ADAMTS12: variants seen among roughly 807,000 people sequenced by gnomAD.
ADAMTS12 encodes the protein ADAM metallopeptidase with thrombospondin type 1 motif 12.
A neutral mutation model predicts 167.8 loss-of-function variants in ADAMTS12; 118 were observed. The ratio of observed to expected loss-of-function variants is 0.70; its 90% CI spans 0.61 to 0.82. The LOEUF is 0.82. Among genes scored for constraint, ADAMTS12 ranks in the 40% least tolerant of loss-of-function variants. ADAMTS12 has a pLI of 0.00. For synonymous variants in ADAMTS12, 704 were observed against 716.9 expected (o/e 0.98, Z 0.29); for missense variants, 1,916 against 1,998.8 (o/e 0.96, Z 0.79).
intron 19 of ADAMTS12, 79 bp downstream of exon 19, chr5:33,575,975 A>C: frequency 6.6e-7 from 1 of 1,520,870 alleles, no homozygotes; most frequent in South Asian, 1.3e-5. Flanking sequence ...ATGCAAACTC[A>C]TTTTGAAATT....
At chr5:33,631,796 A>C (rs1739948966) in intron 12 of ADAMTS12, among the ~76,000 whole-genome samples, 1 of 152,138 alleles carries the variant, frequency 6.6e-6, no homozygotes, top group South Asian at 2.1e-4. Flanking sequence ...AAACACAATA[A>C]TGTCTTCTTT....
intron 20 of ADAMTS12, among the ~76,000 whole-genome samples, chr5:33,550,252 C>T (rs1474732114): frequency 2.0e-5 from 3 of 152,214 alleles, no homozygotes. Flanking sequence ...TCTCTGACTT[C>T]TTGGATTTTG....
intron 8 of ADAMTS12, 134 bp downstream of exon 8, chr5:33,649,420 G>T: frequency 8.7e-7 from 1 of 1,144,044 alleles, no homozygotes; most frequent in Non-Finnish European, 1.2e-6. Flanking sequence ...CGCCCCTTCT[G>T]ATGCCACCCT....
intron 3 of ADAMTS12, among the ~76,000 whole-genome samples, chr5:33,715,489 A>G (rs1743571472): frequency 1.3e-5 from 2 of 152,140 alleles, no homozygotes; most frequent in African/African-American, 4.8e-5. Flanking sequence ...ATGAGTGATT[A>G]AAACAAAGAA....
intron 3 of ADAMTS12, among the ~76,000 whole-genome samples, chr5:33,749,034 T>C (rs568198252): frequency 6.6e-6 from 1 of 152,328 alleles, no homozygotes; most frequent in East Asian, 1.9e-4. Context: ...AGTTGATACT[T>C]CAATATTTGG....
chr5:33,589,699 T>A (rs558477861), intron 17 of ADAMTS12, among the ~76,000 whole-genome samples: 161 of 152,312 alleles, frequency 1.1e-3, no homozygotes, highest in African/African-American at 3.8e-3. Context: ...AGCCCGCTTG[T>A]CCATCCCTTC....
At chr5:33,853,541 C>G (rs1027570264) in intron 2 of ADAMTS12, among the ~76,000 whole-genome samples, 2 of 152,120 alleles carry the variant, frequency 1.3e-5, no homozygotes, top group African/African-American at 4.8e-5. Flanking sequence ...GGCCAAATGA[C>G]CCATCTTTTT....
chr5:33,627,690 GAA>G (rs1229553636), intron 13 of ADAMTS12, among the ~76,000 whole-genome samples: 1 of 152,140 alleles, frequency 6.6e-6, no homozygotes, highest in Non-Finnish European at 1.5e-5. Context: ...TTTTAATTTA[GAA>G]ATGTTAAGAT....
At chr5:33,556,057 C>T (rs973685108) in intron 20 of ADAMTS12, among the ~76,000 whole-genome samples, 5 of 152,238 alleles carry the variant, frequency 3.3e-5, no homozygotes, top group African/African-American at 7.2e-5. Flanking sequence ...TAGAGCTCGA[C>T]GTTTGTCCAG....
chr5:33,725,245 A>C (rs999698901), intron 3 of ADAMTS12, among the ~76,000 whole-genome samples: 1 of 152,184 alleles, frequency 6.6e-6, no homozygotes, highest in African/African-American at 2.4e-5. Flanking sequence ...CACTACCTTC[A>C]GCATTCTACT....
chr5:33,681,373 C>T (rs527784382), intron 5 of ADAMTS12, among the ~76,000 whole-genome samples: 4 of 152,258 alleles, frequency 2.6e-5, no homozygotes, highest in African/African-American at 4.8e-5. Flanking sequence ...TGAATGATGC[C>T]GTTCTTTACA....
intron 22 of ADAMTS12, among the ~76,000 whole-genome samples, chr5:33,536,683 A>G (rs1052915776): frequency 6.6e-6 from 1 of 152,178 alleles, no homozygotes; most frequent in Non-Finnish European, 1.5e-5. Context: ...GCTATGCACA[A>G]TTGGTTAATT....
intron 12 of ADAMTS12, among the ~76,000 whole-genome samples, chr5:33,635,438 C>T (rs1237217560): frequency 6.6e-6 from 1 of 152,122 alleles, no homozygotes; most frequent in African/African-American, 2.4e-5. Context: ...TGGGCTAACT[C>T]TTGGTTCTAT....
intron 3 of ADAMTS12, among the ~76,000 whole-genome samples, chr5:33,707,066 G>C (rs1397564560): frequency 6.6e-6 from 1 of 152,126 alleles, no homozygotes; most frequent in Admixed American, 6.6e-5. Context: ...CATCATCTCA[G>C]CCCAAAAACA....
At chr5:33,701,776 G>C (rs563706278) in intron 3 of ADAMTS12, among the ~76,000 whole-genome samples, 25 of 152,250 alleles carry the variant, frequency 1.6e-4, no homozygotes, top group African/African-American at 5.5e-4. Context: ...CAAGTGTTTT[G>C]CAAACTAGAG....
intron 5 of ADAMTS12, among the ~76,000 whole-genome samples, chr5:33,673,760 A>G (rs758227737): frequency 6.6e-6 from 1 of 152,140 alleles, no homozygotes. Context: ...ATGCTTTAGC[A>G]ACAACTGCTT....
At chr5:33,716,242 T>C (rs1407935831) in intron 3 of ADAMTS12, among the ~76,000 whole-genome samples, 3 of 152,100 alleles carry the variant, frequency 2.0e-5, no homozygotes, top group African/African-American at 7.2e-5. Context: ...TTTTAAATGG[T>C]ACCATCTTTT....
chr5:33,573,794 A>T (rs1465090030), intron 19 of ADAMTS12, among the ~76,000 whole-genome samples: 166 of 152,230 alleles, frequency 1.1e-3, no homozygotes, highest in African/African-American at 3.4e-3. Flanking sequence ...GAAACTACCA[A>T]CAGAGTGAAC....
At chr5:33,763,180 T>A (rs867616130) in intron 2 of ADAMTS12, among the ~76,000 whole-genome samples, 2 of 152,164 alleles carry the variant, frequency 1.3e-5, no homozygotes, top group African/African-American at 4.8e-5. Context: ...AACCTGCCAA[T>A]ATCTTACTTT....
Sources: gnomAD v4.1 joint callset for allele counts (sites outside exome capture counted in the v4.1 genomes callset) on GRCh38, gnomAD v4.1.1 for gene constraint, MANE v1.5 for transcripts, NCBI Gene and HGNC (gene_info 2026-07-23, HGNC 2026-07-21) for gene names.